The following CNTN4 variants were observed in gnomAD, a reference collection of about 807,000 sequenced individuals.
The protein encoded by CNTN4 is contactin 4.
Under a neutral mutation model 122.5 loss-of-function variants are expected in CNTN4, and 77 were observed. The ratio of observed to expected loss-of-function variants is 0.63; its 90% CI spans 0.52 to 0.76. The LOEUF (loss-of-function observed/expected upper bound fraction) is 0.76, where lower values mean the gene tolerates loss of function less well. Among genes scored for constraint, CNTN4 ranks in the 30% least tolerant of loss-of-function variants. CNTN4 has a pLI of 0.00. For missense variants in CNTN4, 1,256 were observed against 1,259.1 expected (o/e 1.00, Z 0.04); for synonymous variants, 512 against 447.0 (o/e 1.15, Z -1.83).
chr3:2,262,629 G>T (rs372850885), intron 2 of CNTN4, among the ~76,000 whole-genome samples: 21 of 144,292 alleles, frequency 1.5e-4, no homozygotes, highest in African/African-American at 2.0e-4. Flanking sequence ...GCTGTTCCGT[G>T]TTTTTTTTTT....
chr3:2,660,437 C>A (rs1278321997), intron 4 of CNTN4, among the ~76,000 whole-genome samples: 1 of 152,130 alleles, frequency 6.6e-6, no homozygotes, highest in Non-Finnish European at 1.5e-5. Flanking sequence ...TAGGACGCTT[C>A]ACTTTGAATA....
At chr3:2,782,633 G>C (rs2091650005) in intron 6 of CNTN4, among the ~76,000 whole-genome samples, 1 of 151,998 alleles carries the variant, frequency 6.6e-6, no homozygotes, top group Non-Finnish European at 1.5e-5. Flanking sequence ...TATACCACCG[G>C]GCGAACAGGA....
intron 3 of CNTN4, among the ~76,000 whole-genome samples, chr3:2,390,248 G>GTT (rs1482402841): frequency 2.0e-5 from 3 of 151,122 alleles, no homozygotes; most frequent in Non-Finnish European, 4.4e-5. Flanking sequence ...GTGTGTGTGT[G>GTT]TGTACAGAGG....
At chr3:2,232,232 C>T (rs2039514370) in intron 2 of CNTN4, among the ~76,000 whole-genome samples, 1 of 151,982 alleles carries the variant, frequency 6.6e-6, no homozygotes, top group African/African-American at 2.4e-5. Context: ...ATGTCTAAAG[C>T]CTGCTAAATA....
chr3:2,777,359 C>A (rs1248051970), intron 6 of CNTN4, among the ~76,000 whole-genome samples: 1 of 152,184 alleles, frequency 6.6e-6, no homozygotes, highest in African/African-American at 2.4e-5. Flanking sequence ...GTTACTCTTA[C>A]CCATCTACGG....
chr3:2,622,481 T>C (rs1382473768), intron 4 of CNTN4, among the ~76,000 whole-genome samples: 3 of 151,858 alleles, frequency 2.0e-5, no homozygotes, highest in African/African-American at 7.3e-5. Context: ...TTAGTAGAGA[T>C]GGGTTGGACA....
At position 2,891,357 on chromosome 3, in the gene CNTN4, G is replaced by C. The variant is rs185947494; in HGVS notation, c.940+4133G>C. Among the ~76,000 whole-genome samples, 21 of 152,214 alleles carry C rather than the reference G, an allele frequency of 1.4e-4. No homozygotes were observed. In the East Asian group the frequency reaches 4.1e-3, roughly 29 times the overall value. Reference sequence around the variant, plus strand: ...AACTACACGGGAGGCTGAGGCAGGAGAATCACTTGAACCCAGGAGGCGGAG... The same window carrying C: ...AACTACACGGGAGGCTGAGGCAGGACAATCACTTGAACCCAGGAGGCGGAG... On this transcript the variant is annotated intron_variant, in intron 10 of 24. Transcript: ENST00000418658.
intron 2 of CNTN4, among the ~76,000 whole-genome samples, chr3:2,212,541 A>G (rs2038668549): frequency 6.6e-6 from 1 of 152,148 alleles, no homozygotes; most frequent in Non-Finnish European, 1.5e-5. Flanking sequence ...CATGAGACTT[A>G]CTACCACAAA....
chr3:2,792,069 G>C (rs947086933), intron 6 of CNTN4, among the ~76,000 whole-genome samples: 1 of 152,048 alleles, frequency 6.6e-6, no homozygotes, highest in African/African-American at 2.4e-5. Flanking sequence ...ATGTACCCCT[G>C]AACTTAAAAT....
intron 3 of CNTN4, among the ~76,000 whole-genome samples, chr3:2,502,804 C>T (rs936878801): frequency 6.6e-6 from 1 of 152,102 alleles, no homozygotes; most frequent in Admixed American, 6.6e-5. Flanking sequence ...ACAGCTAGAA[C>T]TTTGGTGTCC....
rs201045956 is a variant in CNTN4 at position 2,721,020 on chromosome 3, TGGAG to T, written c.56-15194_56-15191del. Among the ~76,000 whole-genome samples the T allele has an allele frequency of 8.9e-3, 1,353 of 152,284 alleles. 10 individuals are homozygous for T. The highest frequency in any genetic ancestry group is 0.031 in the African/African-American group (1,288 of 41,566). On this transcript the variant is annotated intron_variant, in intron 4 of 24. Transcript: ENST00000418658. ...CAGAGTCTTGCTCTGTTGACCAGGCTGGAGTGCAGTGGCATGATCTCGGCTCACT... is the reference window on the plus strand; with the variant it reads ...CAGAGTCTTGCTCTGTTGACCAGGCTTGCAGTGGCATGATCTCGGCTCACT...
intron 3 of CNTN4, among the ~76,000 whole-genome samples, chr3:2,387,946 C>A (rs572568802): frequency 6.6e-6 from 1 of 152,118 alleles, no homozygotes; most frequent in Non-Finnish European, 1.5e-5. Context: ...GTACAGTCAG[C>A]GTCTTGGAAA....
intron 6 of CNTN4, among the ~76,000 whole-genome samples, chr3:2,791,375 T>C (rs1361323161): frequency 6.6e-6 from 1 of 151,510 alleles, no homozygotes; most frequent in East Asian, 1.9e-4. Context: ...CTACAAAAAA[T>C]ACAAAAAATT....
chr3:2,191,033 ACTCT>A (rs141278712), intron 2 of CNTN4, among the ~76,000 whole-genome samples: 1 of 151,224 alleles, frequency 6.6e-6, no homozygotes, highest in Non-Finnish European at 1.5e-5. Context: ...CCAGGGCTTG[ACTCT>A]CTCAGAATCT....
At chr3:2,704,746 A>G (rs2086554702) in intron 4 of CNTN4, among the ~76,000 whole-genome samples, 1 of 152,182 alleles carries the variant, frequency 6.6e-6, no homozygotes, top group Admixed American at 6.6e-5. Context: ...TAAGACAGGA[A>G]CATTTACAGA....
At chr3:3,018,625 G>C (rs927900716) in intron 14 of CNTN4, among the ~76,000 whole-genome samples, 5 of 152,164 alleles carry the variant, frequency 3.3e-5, no homozygotes, top group Admixed American at 1.3e-4. Flanking sequence ...AGTTGATTAA[G>C]CAAATTAGGA....
At chr3:2,323,010 A>G (rs1559452007) in intron 2 of CNTN4, among the ~76,000 whole-genome samples, 1 of 152,094 alleles carries the variant, frequency 6.6e-6, no homozygotes, top group East Asian at 1.9e-4. Flanking sequence ...CTCCTGTCAT[A>G]TAGGCCCAAA....
At chr3:2,383,024 G>A (rs1158783652) in intron 3 of CNTN4, among the ~76,000 whole-genome samples, 2 of 151,432 alleles carry the variant, frequency 1.3e-5, no homozygotes, top group East Asian at 3.9e-4. Context: ...GCAGTGAGCC[G>A]AGATTGTGCC....
intron 4 of CNTN4, among the ~76,000 whole-genome samples, chr3:2,717,116 C>T (rs969478106): frequency 1.3e-5 from 2 of 152,042 alleles, no homozygotes; most frequent in African/African-American, 4.8e-5. Context: ...TTTCAATTCT[C>T]TTGGGTATTG....
Sources: gnomAD v4.1 joint callset for allele counts (sites outside exome capture counted in the v4.1 genomes callset) on GRCh38, gnomAD v4.1.1 for gene constraint, MANE v1.5 for transcripts, NCBI Gene and HGNC (gene_info 2026-07-23, HGNC 2026-07-21) for gene names.